Variants in WARS1 observed in about 807,000 individuals in gnomAD.
The protein encoded by WARS1 is tryptophanyl-tRNA synthetase 1.
WARS1 carries 17 observed loss-of-function variants against 47.8 expected under a neutral mutation model. The observed-to-expected ratio is 0.36, with a 90% CI of 0.24 to 0.53. The LOEUF is 0.53. Ranked by LOEUF, WARS1 falls within the 20% of genes least tolerant of loss-of-function variation. The pLI is 0.91. For missense variants in WARS1, 434 were observed against 608.0 expected, an observed-to-expected ratio of 0.71 and a Z score of 3.01; for synonymous variants, 208 against 228.1, an observed-to-expected ratio of 0.91 and a Z score of 0.79.
chr14:100,345,028 G>A (rs1595419438), intron 7 of WARS1, among the ~76,000 whole-genome samples: 5 of 146,154 alleles, frequency 3.4e-5, no homozygotes, highest in East Asian at 2.1e-4. Flanking sequence ...CCGGCCAGCC[G>A]CCCCGTCCGG....
In WARS1 at chr14:100,343,314, C is replaced by T. The variant is rs765622847; in HGVS notation, c.900G>A (p.Arg300=). Reference sequence around the variant, plus strand: ...ATGGGATAAGGCACTGGATATCCGTCCTGTCTCGGAAGATCTGTGGGAATG... The same window carrying T: ...ATGGGATAAGGCACTGGATATCCGTTCTGTCTCGGAAGATCTGTGGGAATG... ...SNSFPQIFRD[R]TDIQCLIPCA... The change falls in exon 8 of 11, where the codon AGG becomes AGA. Residue 300 remains arginine (R), a synonymous_variant. Coordinates refer to ENST00000392882, the MANE Select transcript of WARS1 (RefSeq NM_004184.4). 14 of 1,613,296 alleles carry T rather than the reference C, an allele frequency of 8.7e-6. No homozygotes were observed. The highest frequency in any genetic ancestry group is 1.1e-5 in the Non-Finnish European group (13 of 1,179,468).
At chr14:100,366,428 G>C (rs1426902618) in intron 2 of WARS1, among the ~76,000 whole-genome samples, 1 of 152,178 alleles carries the variant, frequency 6.6e-6, no homozygotes, top group Non-Finnish European at 1.5e-5. Context: ...AGCTTTCAGT[G>C]CACCCCCCAA....
chr14:100,351,015 TC>T (rs2139988192), intron 6 of WARS1, among the ~76,000 whole-genome samples: 1 of 152,250 alleles, frequency 6.6e-6, no homozygotes, highest in East Asian at 1.9e-4. Flanking sequence ...TGCAAGCTGT[TC>T]CACTGAGCTG....
rs1030055466 is a variant in WARS1, at chr14:100,340,901, T to C, written c.1113+1497A>G. 2.7e-5 allele frequency among the ~76,000 whole-genome samples: 4 copies of C among 148,380 alleles called. No homozygotes were observed. The Admixed American group carries it at 2.7e-4, about 10-fold the overall frequency. Reference sequence around the variant, plus strand: ...AAATGTCCCAGATCCATAAACAAGTTTTTCTTTTTTCTTTTCTTTTTTTTT... The same window carrying C: ...AAATGTCCCAGATCCATAAACAAGTCTTTCTTTTTTCTTTTCTTTTTTTTT... On this transcript the variant is annotated intron_variant, in intron 9 of 10. Transcript: ENST00000392882.
intron 1 of WARS1, chr14:100,370,617 T>G (rs1566869765): frequency 1.3e-5 from 2 of 152,158 alleles, no homozygotes; most frequent in Non-Finnish European, 1.5e-5. Flanking sequence ...CGTATATGTA[T>G]CAATTCACTT....
At chr14:100,341,145 A>C (rs1894136522) in intron 9 of WARS1, among the ~76,000 whole-genome samples, 1 of 151,990 alleles carries the variant, frequency 6.6e-6, no homozygotes, top group South Asian at 2.1e-4. Flanking sequence ...CGAACTCCTG[A>C]CCTCAGGTGA....
chr14:100,362,766 C>A (rs1566861198), intron 2 of WARS1, among the ~76,000 whole-genome samples: 1 of 152,228 alleles, frequency 6.6e-6, no homozygotes, highest in Non-Finnish European at 1.5e-5. Flanking sequence ...AAGGGAAATA[C>A]AAACATTTCC....
intron 6 of WARS1, among the ~76,000 whole-genome samples, chr14:100,349,666 G>GGA (rs1384461174): frequency 2.0e-5 from 3 of 152,212 alleles, no homozygotes; most frequent in African/African-American, 7.2e-5. Context: ...GGCAGAGCTG[G>GGA]GTCTGGAACA....
rs1393708749 is a variant in WARS1, at chr14:100,361,746, G to A, written c.275C>T (p.Thr92Ile). 2 of 1,614,126 alleles carry A rather than the reference G, an allele frequency of 1.2e-6. No homozygotes were observed. Among genetic ancestry groups the A allele is most frequent in the Non-Finnish European group, 1.7e-6 (2 of 1,180,018 alleles). The part of the protein sequence containing the change: ...EDFVDPWTVQ[T>I]SSAKGIDYDK... Reference sequence around the variant, plus strand: ...GTAGTCTATGCCTTTTGCACTGCTTGTCTGTACTGTCCATGGGTCCACAAA... The same window carrying A: ...GTAGTCTATGCCTTTTGCACTGCTTATCTGTACTGTCCATGGGTCCACAAA... The change falls in exon 3 of 11, where the codon ACA becomes ATA. Residue 92 changes from threonine to isoleucine, a missense_variant. Thr to Ile is a moderately conservative substitution (Grantham distance 89, BLOSUM62 -1). Around this residue, in one of 2 missense-constraint regions of WARS1, gnomAD observed 347 missense variants for 523.8 expected, o/e 0.66. Coordinates refer to ENST00000392882, the MANE Select transcript of WARS1 (RefSeq NM_004184.4).
At chr14:100,350,486 G>A (rs886340807) in intron 6 of WARS1, among the ~76,000 whole-genome samples, 2 of 150,984 alleles carry the variant, frequency 1.3e-5, no homozygotes, top group Non-Finnish European at 2.9e-5. Flanking sequence ...GAGACAGCAC[G>A]AGGAATGGCG....
chr14:100,358,818 A>G (rs1409333710), intron 4 of WARS1, among the ~76,000 whole-genome samples: 4 of 152,244 alleles, frequency 2.6e-5, no homozygotes, highest in Admixed American at 2.6e-4. Context: ...GAACTATTAT[A>G]ACTAACAATA....
chr14:100,345,935 C>T (rs375123542), intron 7 of WARS1, among the ~76,000 whole-genome samples: 6 of 152,220 alleles, frequency 3.9e-5, no homozygotes, highest in Non-Finnish European at 7.3e-5. Context: ...GTGGAGCACA[C>T]GCCGCTGTGG....
At chr14:100,375,872 C>G (rs890698329), upstream of WARS1, 1 of 152,394 alleles carries the variant, frequency 6.6e-6, no homozygotes, top group African/African-American at 2.4e-5. Context: ...TCTGCTTCCC[C>G]TTCGGTTTCC....
At position 100,334,656 on chromosome 14, in the gene WARS1, T is replaced by A; in HGVS notation, c.*219A>T. ...ACTTCTCTATCCGACCATGCAATGT[T>A]AGCCAGCACCAATTACCCACAATGC... On this transcript the variant is annotated 3_prime_UTR_variant, in exon 11 of 11. Coordinates refer to ENST00000392882, the MANE Select transcript of WARS1 (RefSeq NM_004184.4). 2.1e-6 allele frequency: 1 copy of A among 480,088 alleles called. No individual in the cohort carries two copies. The highest frequency in any genetic ancestry group is 3.6e-6 in the Non-Finnish European group (1 of 274,094). 29.7% of individuals were successfully genotyped at this position (480,088 alleles called of 1,614,324 possible).
chr14:100,349,570 C>T (rs1035579428), intron 6 of WARS1, among the ~76,000 whole-genome samples: 1 of 152,216 alleles, frequency 6.6e-6, no homozygotes, highest in Non-Finnish European at 1.5e-5. Context: ...CTATGCTGCC[C>T]CCCACTAGCA....
chr14:100,362,956 T>A (rs994113950), intron 2 of WARS1, among the ~76,000 whole-genome samples: 1 of 152,204 alleles, frequency 6.6e-6, no homozygotes. Context: ...CAAAATTATC[T>A]GAGACTCATC....
intron 10 of WARS1, 94 bp downstream of exon 10, chr14:100,336,967 CA>C: frequency 6.5e-7 from 1 of 1,527,170 alleles, no homozygotes. Context: ...CACCTCCGAC[CA>C]AGCCTTCATG....
At chr14:100,367,700 C>T (rs1009514477) in intron 2 of WARS1, among the ~76,000 whole-genome samples, 1 of 151,506 alleles carries the variant, frequency 6.6e-6, no homozygotes, top group African/African-American at 2.4e-5. Context: ...CTGCTAACTT[C>T]CAAAAAGAAA....
intron 2 of WARS1, 100 bp from the exon 3 acceptor site, chr14:100,362,021 C>A (rs1444471520): frequency 8.0e-7 from 1 of 1,243,302 alleles, no homozygotes; most frequent in Non-Finnish European, 1.1e-6. Context: ...TGCTTTTACA[C>A]GTGTTACCTT....
Sources: allele counts gnomAD v4.1 joint callset (sites outside exome capture counted in the v4.1 genomes callset), GRCh38; gene constraint gnomAD v4.1.1; regional missense constraint gnomAD v4.1.1; transcripts MANE v1.5; gene names NCBI Gene and HGNC (gene_info 2026-07-23, HGNC 2026-07-21).